PCDHA1: variants seen among roughly 807,000 people sequenced by gnomAD.
PCDHA1 encodes the protein protocadherin alpha 1, also known as protocadherin alpha-1.
PCDHA1 carries 42 observed loss-of-function variants against 61.3 expected under a neutral mutation model. The ratio of observed to expected loss-of-function variants is 0.69; its 90% CI spans 0.54 to 0.89. The LOEUF (loss-of-function observed/expected upper bound fraction) is 0.89. Ranked by LOEUF, PCDHA1 falls within the 40% of genes least tolerant of loss-of-function variation. PCDHA1 has a pLI of 0.00. For missense variants in PCDHA1, 1,256 were observed against 1,235.3 expected (o/e 1.02, Z -0.25); for synonymous variants, 610 against 553.8 (o/e 1.10, Z -1.43).
chr5:140,805,867 T>C (rs1763642832), intron 1 of PCDHA1, among the ~76,000 whole-genome samples: 1 of 152,174 alleles, frequency 6.6e-6, no homozygotes, highest in South Asian at 2.1e-4. Context: ...ATTAATGCAT[T>C]TTATTAGGCA....
chr5:141,000,639 G>T (rs1375900945), intron 3 of PCDHA1, among the ~76,000 whole-genome samples: 1 of 151,186 alleles, frequency 6.6e-6, no homozygotes, highest in Non-Finnish European at 1.5e-5. Context: ...TGTTGGGCAG[G>T]CTGGTCTCGA....
At chr5:140,829,291 C>A (rs1224318047) in intron 1 of PCDHA1, 1 of 1,614,130 alleles carries the variant, frequency 6.2e-7, no homozygotes, top group Non-Finnish European at 8.5e-7. Context: ...TGGTGTCCAC[C>A]TTCAAGAATT....
intron 1 of PCDHA1, chr5:140,851,226 A>G (rs2041995732): frequency 3.5e-6 from 4 of 1,139,724 alleles, no homozygotes; most frequent in Non-Finnish European, 4.5e-6. Context: ...CATCACTATC[A>G]TTTATTTATT....
At chr5:140,921,695 A>G (rs1190217757) in intron 1 of PCDHA1, among the ~76,000 whole-genome samples, 1 of 152,216 alleles carries the variant, frequency 6.6e-6, no homozygotes, top group Admixed American at 6.5e-5. Context: ...GGCCACCTCA[A>G]TTTTAAACAG....
At position 140,808,975 on chromosome 5, in the gene PCDHA1, GGT is replaced by G. The variant is rs782407899; in HGVS notation, c.2394+20293_2394+20294del. On this transcript the variant is annotated intron_variant, in intron 1 of 3. Coordinates refer to ENST00000504120, the MANE Select transcript of PCDHA1 (RefSeq NM_018900.4). ...GCCACGTGGTGGCAAAGGTGCGCGC[GGT>G]GGATGCTGACTCGGGCTACAACGCG... is the stretch of plus-strand genomic sequence containing the variant. The G allele has an allele frequency of 2.5e-6, 4 of 1,613,626 alleles. No individual in the cohort carries two copies. The Admixed American group carries it at 6.7e-5, about 27-fold the overall frequency.
chr5:140,835,093 A>T (rs2150230722), intron 1 of PCDHA1: 1 of 1,240,950 alleles, frequency 8.1e-7, no homozygotes, highest in East Asian at 2.6e-5. Context: ...GACAACAATG[A>T]CAATGCCCCA....
chr5:140,793,611 G>A (rs1183879114), intron 1 of PCDHA1, among the ~76,000 whole-genome samples: 1 of 152,184 alleles, frequency 6.6e-6, no homozygotes, highest in Non-Finnish European at 1.5e-5. Flanking sequence ...CATGGTTAGA[G>A]TAACTGAAGG....
At chr5:140,876,282 C>T (rs1227830598) in intron 1 of PCDHA1, 3 of 1,613,872 alleles carry the variant, frequency 1.9e-6, no homozygotes, top group Admixed American at 1.7e-5. Flanking sequence ...CCGATCCAGA[C>T]GAAGGACTTA....
intron 1 of PCDHA1, among the ~76,000 whole-genome samples, chr5:140,953,492 G>T (rs542677103): frequency 6.6e-6 from 1 of 152,188 alleles, no homozygotes; most frequent in East Asian, 1.9e-4. Context: ...TCACAACCTT[G>T]ATCAGCTATT....
At chr5:140,890,822 A>G (rs1044008204) in intron 1 of PCDHA1, among the ~76,000 whole-genome samples, 1 of 152,186 alleles carries the variant, frequency 6.6e-6, no homozygotes, top group Non-Finnish European at 1.5e-5. Context: ...TTTTAAATGT[A>G]CTTACATATT....
At chr5:140,818,260 C>G (rs1461954108) in intron 1 of PCDHA1, among the ~76,000 whole-genome samples, 1 of 152,102 alleles carries the variant, frequency 6.6e-6, no homozygotes, top group Non-Finnish European at 1.5e-5. Context: ...TTTTAAATCA[C>G]TTTTTCTCTT....
chr5:140,861,559 A>G (rs2046978123), intron 1 of PCDHA1: 2 of 393,478 alleles, frequency 5.1e-6, no homozygotes, highest in Non-Finnish European at 5.3e-6. Context: ...GTGATCGTGG[A>G]CAAGCTGCTA....
chr5:140,855,841 TA>T, intron 1 of PCDHA1: 2 of 638,220 alleles, frequency 3.1e-6, no homozygotes, highest in Non-Finnish European at 2.6e-6. Context: ...TACTTACACC[TA>T]AAGCCACCGG....
chr5:140,853,929 G>GATTGC, intron 1 of PCDHA1: 1 of 896,830 alleles, frequency 1.1e-6, no homozygotes, highest in Non-Finnish European at 1.4e-6. Context: ...AACATTTTGG[G>GATTGC]AGGCCAAGGT....
At chr5:141,004,391 G>A (rs62384511) in intron 3 of PCDHA1, among the ~76,000 whole-genome samples, 4 of 152,342 alleles carry the variant, frequency 2.6e-5, no homozygotes, top group East Asian at 3.9e-4. Flanking sequence ...AGCTGGACAT[G>A]TGGAGGAGGC....
intron 1 of PCDHA1, among the ~76,000 whole-genome samples, chr5:140,885,554 A>G (rs1025656025): frequency 5.3e-5 from 8 of 152,140 alleles, no homozygotes; most frequent in African/African-American, 1.9e-4. Context: ...TGTTATTTCT[A>G]CGAAATTGAT....
chr5:140,865,936 A>G (rs1279027190), intron 1 of PCDHA1: 2 of 152,184 alleles, frequency 1.3e-5, no homozygotes, highest in Non-Finnish European at 2.9e-5. Flanking sequence ...AAGAAACTTC[A>G]TGATTGTCTT....
At chr5:140,801,163 T>A in intron 1 of PCDHA1, 1 of 1,557,588 alleles carries the variant, frequency 6.4e-7, no homozygotes, top group Non-Finnish European at 8.7e-7. Flanking sequence ...TTTGGATCAA[T>A]GTAAAGGCAA....
intron 1 of PCDHA1, chr5:140,825,972 A>G (rs1430190441): frequency 6.6e-6 from 1 of 152,342 alleles, no homozygotes; most frequent in Non-Finnish European, 1.5e-5. Context: ...TTTGAGGGGA[A>G]AAGTATGGAT....
Sources: gnomAD v4.1 joint callset for allele counts (sites outside exome capture counted in the v4.1 genomes callset) on GRCh38, gnomAD v4.1.1 for gene constraint, MANE v1.5 for transcripts, NCBI Gene and HGNC (gene_info 2026-07-23, HGNC 2026-07-21) for gene names.